CEP76: variants seen among roughly 807,000 people sequenced by gnomAD.
CEP76 encodes centrosomal protein 76.
A neutral mutation model predicts 83.3 loss-of-function variants in CEP76; 55 were observed. The ratio of observed to expected loss-of-function variants is 0.66; its 90% CI spans 0.53 to 0.83. The LOEUF is 0.83. Among genes scored for constraint, CEP76 ranks in the 40% least tolerant of loss-of-function variants. CEP76 has a pLI of 0.00. For missense variants in CEP76, 694 were observed against 799.5 expected (o/e 0.87, Z 1.59); for synonymous variants, 270 against 274.5 (o/e 0.98, Z 0.16).
chr18:12,695,237 A>T lies in CEP76; in HGVS notation c.804+17T>A. 2 of 1,136,212 alleles carry T rather than the reference A, an allele frequency of 1.8e-6. No individual in the cohort carries two copies. The highest frequency in any genetic ancestry group is 2.5e-6 in the Non-Finnish European group (2 of 793,448). 70.4% of individuals were successfully genotyped at this position (1,136,212 alleles called of 1,614,324 possible). On this transcript the variant is annotated intron_variant, in intron 6 of 11. Coordinates refer to ENST00000262127, the MANE Select transcript of CEP76 (RefSeq NM_024899.4). ...GAAAACAAACACACAAAAAAAGAGA[A>T]ACTCATAAGTATTTACCTGTGTGTT...
At chr18:12,687,108 A>G (rs2039565702) in intron 7 of CEP76, among the ~76,000 whole-genome samples, 1 of 152,164 alleles carries the variant, frequency 6.6e-6, no homozygotes, top group African/African-American at 2.4e-5. Context: ...GAGTATTACC[A>G]AAGTCCACAA....
At chr18:12,696,510 A>G (rs1236644931) in intron 5 of CEP76, among the ~76,000 whole-genome samples, 1 of 152,056 alleles carries the variant, frequency 6.6e-6, no homozygotes, top group Non-Finnish European at 1.5e-5. Context: ...TCAAATAATA[A>G]TAATAATAAT....
At position 12,674,610 on chromosome 18, in the gene CEP76, A is replaced by G; in HGVS notation, c.1767T>C (p.Asp589=). The change falls in exon 11 of 12, where the codon GAT becomes GAC. Residue 589 remains aspartate, a synonymous_variant. Transcript: ENST00000262127. ...FQDAIRRAVP[D]GHTFKGFPIH... Reference sequence around the variant, plus strand: ...TTGGGAACCCTTTAAATGTGTGACCATCAGGTACAGCCCTTCTTATGGCAT... The same window carrying G: ...TTGGGAACCCTTTAAATGTGTGACCGTCAGGTACAGCCCTTCTTATGGCAT... 1.2e-6 allele frequency: 2 copies of G among 1,614,120 alleles called. No individual in the cohort carries two copies. The highest frequency in any genetic ancestry group is 1.7e-6 in the Non-Finnish European group (2 of 1,180,008).
rs1201986880 is a variant in CEP76 at position 12,676,691 on chromosome 18, G to A, written c.1623+1418C>T. Among the ~76,000 whole-genome samples the A allele has an allele frequency of 2.6e-5, 4 of 152,284 alleles. No homozygotes were observed. In the East Asian group the frequency reaches 7.7e-4, roughly 29 times the overall value. ...AAGTAATAAGGGGCATTCATTTCCAGCAATATAATGGACCAGAGGTCCCCT... is the reference window on the plus strand; with the variant it reads ...AAGTAATAAGGGGCATTCATTTCCAACAATATAATGGACCAGAGGTCCCCT... On this transcript the variant is annotated intron_variant, in intron 10 of 11. Coordinates refer to ENST00000262127, the MANE Select transcript of CEP76 (RefSeq NM_024899.4).
chr18:12,689,573 C>T lies in CEP76; in HGVS notation c.933+1786G>A, dbSNP rs541162361. Reference sequence around the variant, plus strand: ...TAAAATGAATTCTGAGAGAGGAAGTCGTTTAAGTAATATTTCCTAAAAGAA... The same window carrying T: ...TAAAATGAATTCTGAGAGAGGAAGTTGTTTAAGTAATATTTCCTAAAAGAA... On this transcript the variant is annotated intron_variant, in intron 7 of 11. Coordinates refer to ENST00000262127, the MANE Select transcript of CEP76 (RefSeq NM_024899.4). 6.2e-5 allele frequency among the ~76,000 whole-genome samples: 9 copies of T among 144,706 alleles called. No homozygotes were observed. The South Asian group carries it at 8.5e-4, about 14-fold the overall frequency. 94.9% of individuals were successfully genotyped at this position (144,706 alleles called of 152,430 possible).
At chr18:12,675,693 G>C (rs2039099904) in intron 10 of CEP76, among the ~76,000 whole-genome samples, 1 of 151,866 alleles carries the variant, frequency 6.6e-6, no homozygotes. Flanking sequence ...TTTTGAGACA[G>C]AGTCTTACTC....
In CEP76 at chr18:12,662,755, C is replaced by T. The variant is rs533572000; in HGVS notation, c.*1728-586G>A. Reference sequence around the variant, plus strand: ...TCATGCCACTGCCCTCCAGCCTGGGCGATAGAGTGAGACCTTGTCTCAAAA... The same window carrying T: ...TCATGCCACTGCCCTCCAGCCTGGGTGATAGAGTGAGACCTTGTCTCAAAA... On this transcript the variant is annotated intron_variant and NMD_transcript_variant, in intron 12 of 12. Coordinates refer to the CEP76 transcript ENST00000590143. Among the ~76,000 whole-genome samples, 23 of 152,144 alleles carry T rather than the reference C, an allele frequency of 1.5e-4. No individual in the cohort carries two copies. The South Asian group carries it at 4.4e-3, about 29-fold the overall frequency.
chr18:12,669,216 G>A (rs1033360586), downstream of CEP76, among the ~76,000 whole-genome samples: 3 of 151,356 alleles, frequency 2.0e-5, no homozygotes, highest in Admixed American at 6.6e-5. Flanking sequence ...AGATTGAAGC[G>A]ATTCTCCTGT....
At chr18:12,681,183 G>T (rs2145018195) in intron 8 of CEP76, among the ~76,000 whole-genome samples, 1 of 140,442 alleles carries the variant, frequency 7.1e-6, no homozygotes, top group East Asian at 2.2e-4. Context: ...CAGCAACAGA[G>T]TAAGACTCTG....
chr18:12,693,536 C>T (rs1228065339), intron 6 of CEP76, among the ~76,000 whole-genome samples: 5 of 152,042 alleles, frequency 3.3e-5, no homozygotes, highest in Non-Finnish European at 7.4e-5. Context: ...CTCATGTATA[C>T]CACTTTGGGA....
rs768627406 is a variant in CEP76, at chr18:12,678,419, G to A, written c.1313C>T (p.Pro438Leu). The A allele has an allele frequency of 1.2e-6, 2 of 1,612,576 alleles. No homozygotes were observed. The highest frequency in any genetic ancestry group is 2.2e-5 in the East Asian group (1 of 44,834). The change falls in exon 10 of 12, where the codon CCT becomes CTT. Residue 438 changes from proline (P) to leucine (L), a missense_variant. By Grantham distance (98) the Pro-to-Leu change is moderately conservative. Coordinates refer to ENST00000262127, the MANE Select transcript of CEP76 (RefSeq NM_024899.4). ...CTGTTCAGCAACTGGAGGTTCATCA[G>A]GATTGGTAGGTTTATGGATGTACCT... is the stretch of plus-strand genomic sequence containing the variant. ...GHRYIHKPTNPDEPPVAEQPK... is the reference protein window; with the variant it reads ...GHRYIHKPTNLDEPPVAEQPK...
At chr18:12,662,190 G>GAA in intron 12 of CEP76, 1 of 419,924 alleles carries the variant, frequency 2.4e-6, no homozygotes, top group Non-Finnish European at 4.7e-6. Flanking sequence ...GCACCAGAAA[G>GAA]GAAAAAAAAA....
chr18:12,674,545 G>A lies in CEP76; in HGVS notation c.1832C>T (p.Thr611Ile). 2 of 1,612,264 alleles carry A rather than the reference G, an allele frequency of 1.2e-6. No individual in the cohort carries two copies. The highest frequency in any genetic ancestry group is 1.7e-6 in the Non-Finnish European group (2 of 1,178,606). ...GTAAATTACACCTTACCGAAGACAT[G>A]TGGCAAATGCACGTCTTGCATTTCT... ...VYRNARRAFA[T>I]CLRSPFCEEI... The change falls in exon 11 of 12, where the codon ACA (threonine) becomes ATA (isoleucine). Residue 611 changes from threonine to isoleucine, a missense_variant. Thr to Ile is a moderately conservative substitution (Grantham distance 89, BLOSUM62 -1). Transcript: ENST00000262127.
intron 10 of CEP76, among the ~76,000 whole-genome samples, chr18:12,676,279 CTTTTTTTTTTTTT>C (rs1157897766): frequency 9.4e-6 from 1 of 106,430 alleles, no homozygotes; most frequent in East Asian, 2.9e-4. Flanking sequence ...ACAGTAATTC[CTTTTTTTTTTTTT>C]TTTTTTTTTG....
intron 4 of CEP76, 24 bp downstream of exon 4, chr18:12,698,955 T>C: frequency 2.0e-6 from 3 of 1,472,280 alleles, no homozygotes; most frequent in Non-Finnish European, 2.8e-6. Context: ...CTCAATTAAA[T>C]GACAATTTAT....
In CEP76 at chr18:12,699,248, A is replaced by C. The variant is rs1598666357; in HGVS notation, c.296-45T>G. 16 of 1,303,574 alleles carry C rather than the reference A, an allele frequency of 1.2e-5. No homozygotes were observed. The East Asian group carries it at 3.5e-4, about 28-fold the overall frequency. 80.8% of individuals were successfully genotyped at this position (1,303,574 alleles called of 1,614,324 possible). A position where few individuals can be genotyped will look rare whatever the true frequency, so the allele number is the denominator to read the frequency against. On this transcript the variant is annotated intron_variant, in intron 3 of 11. Coordinates refer to ENST00000262127, the MANE Select transcript of CEP76 (RefSeq NM_024899.4). ...ATATGAGGAAACTGCCAAATAACTT[A>C]AAAGAATGTGATCAAGACATTAGGA...
intron 10 of CEP76, among the ~76,000 whole-genome samples, chr18:12,675,657 C>A (rs1419796573): frequency 6.6e-6 from 1 of 151,682 alleles, no homozygotes; most frequent in Non-Finnish European, 1.5e-5. Flanking sequence ...CAACATGATT[C>A]CATTTATTTT....
chr18:12,682,979 G>A (rs934644230), intron 8 of CEP76, among the ~76,000 whole-genome samples: 1 of 151,918 alleles, frequency 6.6e-6, no homozygotes, highest in Non-Finnish European at 1.5e-5. Flanking sequence ...AAATTCAGAA[G>A]TAAAATAAAA....
chr18:12,667,908 G>GA (rs1325099784), downstream of CEP76, among the ~76,000 whole-genome samples: 15 of 144,290 alleles, frequency 1.0e-4, 1 homozygote, highest in African/African-American at 3.1e-4. Context: ...AACAAAGGGG[G>GA]AAAAAAACAC....
Sources: gnomAD v4.1 joint callset for allele counts (sites outside exome capture counted in the v4.1 genomes callset) on GRCh38, gnomAD v4.1.1 for gene constraint, MANE v1.5 for transcripts, NCBI Gene and HGNC (gene_info 2026-07-23, HGNC 2026-07-21) for gene names.